PARL: variants seen among roughly 807,000 people sequenced by gnomAD.
The protein encoded by PARL is presenilin-associated rhomboid-like protein, mitochondrial.
Under a neutral mutation model 51.6 loss-of-function variants are expected in PARL, and 44 were observed. The observed-to-expected ratio is 0.85, with a 90% CI of 0.67 to 1.10. The LOEUF (loss-of-function observed/expected upper bound fraction) is 1.10. PARL is among the 50% of genes least tolerant of loss of function. PARL has a pLI of 0.00. For synonymous variants in PARL, 172 were observed against 164.0 expected (o/e 1.05, Z -0.37); for missense variants, 441 against 469.5 (o/e 0.94, Z 0.56).
At chr3:183,851,891 G>A (rs1730588370) in intron 4 of PARL, among the ~76,000 whole-genome samples, 1 of 152,152 alleles carries the variant, frequency 6.6e-6, no homozygotes, top group Non-Finnish European at 1.5e-5. Context: ...CAGGCATGGT[G>A]GCTCACACCT....
intron 1 of PARL, among the ~76,000 whole-genome samples, chr3:183,882,008 C>A (rs535404114): frequency 5.6e-4 from 85 of 151,450 alleles, no homozygotes; most frequent in Non-Finnish European, 9.0e-4. Context: ...CGAGACCAGC[C>A]TGGCCAACAC....
At chr3:183,862,961 C>T (rs1380920659) in intron 3 of PARL, among the ~76,000 whole-genome samples, 160 bp from the exon 4 acceptor site, 2 of 152,218 alleles carry the variant, frequency 1.3e-5, no homozygotes, top group South Asian at 2.1e-4. Flanking sequence ...GGAAAAGGCA[C>T]ATGTTTTATA....
At chr3:183,833,630 T>C in intron 8 of PARL, 41 bp from the exon 9 acceptor site, 1 of 1,510,834 alleles carries the variant, frequency 6.6e-7, no homozygotes, top group Non-Finnish European at 9.2e-7. Context: ...CTGTGATTGC[T>C]CCAGCACTGA....
chr3:183,838,677 G>A (rs555628883), intron 7 of PARL, among the ~76,000 whole-genome samples: 2 of 152,244 alleles, frequency 1.3e-5, no homozygotes, highest in Non-Finnish European at 2.9e-5. Context: ...ATTCAGAGAA[G>A]TTCAGTAATA....
intron 1 of PARL, among the ~76,000 whole-genome samples, chr3:183,876,926 T>C (rs1733918247): frequency 6.6e-6 from 1 of 152,102 alleles, no homozygotes; most frequent in Admixed American, 6.6e-5. Context: ...GAAAGAGAAC[T>C]AGAGGCTGGG....
intron 1 of PARL, among the ~76,000 whole-genome samples, 159 bp downstream of exon 1, chr3:183,884,563 G>C (rs1174801816): frequency 1.3e-5 from 2 of 152,216 alleles, no homozygotes; most frequent in Non-Finnish European, 2.9e-5. Context: ...CGAGAAGCGA[G>C]GACTGGACGG....
intron 6 of PARL, 140 bp from the exon 7 acceptor site, chr3:183,840,780 C>A: frequency 1.7e-6 from 1 of 589,672 alleles, no homozygotes. Context: ...ACAATTTTGG[C>A]TCACTGCAAC....
At chr3:183,881,651 G>T (rs1172698829) in intron 1 of PARL, among the ~76,000 whole-genome samples, 6 of 152,158 alleles carry the variant, frequency 3.9e-5, no homozygotes, top group African/African-American at 1.2e-4. Flanking sequence ...CTTGCTACCA[G>T]GCAGGCTGAC....
intron 4 of PARL, among the ~76,000 whole-genome samples, chr3:183,862,299 C>G (rs930667043): frequency 9.2e-5 from 14 of 152,178 alleles, no homozygotes; most frequent in Non-Finnish European, 1.5e-4. Context: ...AAACTCTGCT[C>G]TATTGCTTAC....
intron 4 of PARL, among the ~76,000 whole-genome samples, chr3:183,854,731 T>G (rs1035838509): frequency 6.5e-5 from 9 of 138,180 alleles, no homozygotes; most frequent in African/African-American, 1.4e-4. Context: ...ATATTTCATG[T>G]TTTTTTTTTT....
intron 4 of PARL, among the ~76,000 whole-genome samples, chr3:183,857,614 A>G (rs1260310097): frequency 6.6e-6 from 1 of 152,246 alleles, no homozygotes; most frequent in African/African-American, 2.4e-5. Flanking sequence ...ATTATGGGAA[A>G]GGAAAAGTGC....
intron 4 of PARL, among the ~76,000 whole-genome samples, chr3:183,844,943 G>A (rs11706012): frequency 5.3e-5 from 8 of 152,192 alleles, no homozygotes; most frequent in Non-Finnish European, 8.8e-5. Flanking sequence ...TTAGTACTAC[G>A]AAATTGAGGT....
intron 1 of PARL, among the ~76,000 whole-genome samples, chr3:183,874,610 T>A (rs1314370601): frequency 1.3e-5 from 2 of 152,114 alleles, no homozygotes; most frequent in South Asian, 2.1e-4. Flanking sequence ...GGTTTCGCCA[T>A]GTTGGCCAGG....
At chr3:183,843,365 A>T (rs1729565395) in intron 5 of PARL, 2 of 864,868 alleles carry the variant, frequency 2.3e-6, no homozygotes. Context: ...AAAACAAAAA[A>T]AATTAGCTGG....
intron 4 of PARL, chr3:183,861,254 C>T: frequency 1.0e-6 from 1 of 979,540 alleles, no homozygotes; most frequent in Non-Finnish European, 1.2e-6. Flanking sequence ...GTTATGGCAA[C>T]ACTGAAAAAT....
intron 6 of PARL, among the ~76,000 whole-genome samples, chr3:183,841,859 T>C (rs1412187664): frequency 6.6e-6 from 1 of 152,176 alleles, no homozygotes; most frequent in African/African-American, 2.4e-5. Context: ...GATTTAAAGC[T>C]TTCTGTGAAC....
intron 4 of PARL, among the ~76,000 whole-genome samples, chr3:183,849,861 AC>A (rs1180369801): frequency 6.6e-6 from 1 of 152,242 alleles, no homozygotes; most frequent in African/African-American, 2.4e-5. Flanking sequence ...GCAGAATGTT[AC>A]TACGAACCTT....
At chr3:183,859,414 T>C (rs1369995007) in intron 4 of PARL, among the ~76,000 whole-genome samples, 7 of 152,124 alleles carry the variant, frequency 4.6e-5, no homozygotes. Context: ...CTCGGCTCAC[T>C]GCAACCTCTG....
At chr3:183,848,816 C>T (rs1730248986) in intron 4 of PARL, among the ~76,000 whole-genome samples, 1 of 152,094 alleles carries the variant, frequency 6.6e-6, no homozygotes, top group South Asian at 2.1e-4. Context: ...AAATAAGAGA[C>T]TAATCAAAAA....
Sources: allele counts gnomAD v4.1 joint callset (sites outside exome capture counted in the v4.1 genomes callset), GRCh38; gene constraint gnomAD v4.1.1; transcripts MANE v1.5; gene names NCBI Gene and HGNC (gene_info 2026-07-23, HGNC 2026-07-21).